The following ZNF106 variants were observed in gnomAD, a reference collection of about 807,000 sequenced individuals.
ZNF106 encodes SH3-domain binding protein 3.
Under a neutral mutation model 195.1 loss-of-function variants are expected in ZNF106, and 67 were observed. The ratio of observed to expected loss-of-function variants is 0.34; its 90% CI spans 0.28 to 0.42. The LOEUF is 0.42. ZNF106 is among the 10% of genes least tolerant of loss of function. ZNF106 has a pLI of 1.00. For missense variants in ZNF106, 2,118 were observed against 2,304.5 expected (o/e 0.92, Z 1.66); for synonymous variants, 784 against 818.6 (o/e 0.96, Z 0.72).
At chr15:42,465,985 T>C (rs891963488) in intron 3 of ZNF106, 68 bp downstream of exon 3, 2 of 1,300,346 alleles carry the variant, frequency 1.5e-6, no homozygotes, top group Admixed American at 2.4e-5. Context: ...CAAAACAAAC[T>C]GACAGGCACC....
At chr15:42,435,639 AGCACC>A in intron 13 of ZNF106, 121 bp from the exon 14 acceptor site, 1 of 1,198,344 alleles carries the variant, frequency 8.3e-7, no homozygotes, top group Non-Finnish European at 1.2e-6. Context: ...TGTCTAAAAC[AGCACC>A]TGGTACACAA....
chr15:42,425,122 G>A, intron 15 of ZNF106, 97 bp from the exon 16 acceptor site: 1 of 1,239,332 alleles, frequency 8.1e-7, no homozygotes. Context: ...TCTGTCACCT[G>A]TACTCAAATT....
Position 42,450,767 on chromosome 15 carries a change from T to A in ZNF106, c.1505A>T (p.Asn502Ile), listed in dbSNP as rs184490463. 12 of 1,614,020 alleles carry A rather than the reference T, an allele frequency of 7.4e-6. No individual in the cohort carries two copies. Among genetic ancestry groups the A allele is most frequent in the African/African-American group, 4.0e-5 (3 of 75,002 alleles). The stretch of plus-strand genomic sequence containing the variant: ...TGAGTGTTCTCCAGGGGAAAAAAAA[T>A]TTGTTTTGGTGTTTTTTGAGATATT... Reference protein sequence around the residue: ...PKNISKNTKTNFFSPGEHSNP... With the variant: ...PKNISKNTKTIFFSPGEHSNP... The change falls in exon 5 of 22, where the codon AAT becomes ATT. Residue 502 changes from asparagine (N) to isoleucine (I), a missense_variant. By Grantham distance (149) the Asn-to-Ile change is moderately radical. Transcript: ENST00000564754.
intron 1 of ZNF106, among the ~76,000 whole-genome samples, chr15:42,487,146 A>G (rs944450665): frequency 2.6e-5 from 4 of 151,970 alleles, no homozygotes; most frequent in Non-Finnish European, 4.4e-5. Flanking sequence ...GTGAAACTCC[A>G]TCTTTAAAAA....
rs926940852 is a variant in ZNF106 at position 42,442,434 on chromosome 15, T to C, written c.3422-20A>G. 1.9e-6 allele frequency: 3 copies of C among 1,563,900 alleles called. No individual in the cohort carries two copies. The highest frequency in any genetic ancestry group is 1.7e-6 in the Non-Finnish European group (2 of 1,153,054). ...ATGTTTCTAGAATGGGAAACATACA[T>C]ACATAGAAATGCAAAAATGTTATCT... On this transcript the variant is annotated intron_variant, in intron 9 of 21. Transcript: ENST00000564754.
chr15:42,472,464 G>T, intron 1 of ZNF106, 143 bp from the exon 2 acceptor site: 1 of 592,580 alleles, frequency 1.7e-6, no homozygotes, highest in African/African-American at 1.9e-5. Context: ...AGGTGCATAG[G>T]GTAAACATTT....
chr15:42,437,402 A>T, intron 12 of ZNF106, 25 bp from the exon 13 acceptor site: 18 of 1,612,320 alleles, frequency 1.1e-5, no homozygotes, highest in Non-Finnish European at 1.5e-5. Flanking sequence ...TAGGTTTCAG[A>T]GACATGTCTG....
chr15:42,455,697 CAT>C (rs2056203055), intron 4 of ZNF106, among the ~76,000 whole-genome samples: 1 of 152,164 alleles, frequency 6.6e-6, no homozygotes, highest in South Asian at 2.1e-4. Flanking sequence ...AAACTTTTAA[CAT>C]ATAGAGTAAA....
rs186753185 is a variant in ZNF106 at position 42,429,820 on chromosome 15, C to T, written c.4882-1686G>A. Among the ~76,000 whole-genome samples, 5 of 152,076 alleles carry T rather than the reference C, an allele frequency of 3.3e-5. No homozygotes were observed. In the East Asian group the frequency reaches 7.7e-4, roughly 23 times the overall value. ...CAATAAAAAAGGAACAAACTATTGG[C>T]ACATGTACCAATACAGATGAATTTT... On this transcript the variant is annotated intron_variant, in intron 14 of 21. Coordinates refer to ENST00000564754, the MANE Select transcript of ZNF106 (RefSeq NM_001366845.3).
intron 10 of ZNF106, among the ~76,000 whole-genome samples, chr15:42,440,996 AAAATAT>A (rs1412655374): frequency 4.9e-4 from 24 of 49,342 alleles, no homozygotes; most frequent in Admixed American, 6.4e-4. Flanking sequence ...AAAAAAAAAA[AAAATAT>A]ATATATATAT....
At chr15:42,424,130 C>A in intron 16 of ZNF106, 70 bp from the exon 17 acceptor site, 1 of 1,337,980 alleles carries the variant, frequency 7.5e-7, no homozygotes, top group Middle Eastern at 1.9e-4. Context: ...TTGTAATACA[C>A]ATTGGCAAAT....
chr15:42,449,385 T>G (rs1013647536), intron 5 of ZNF106, among the ~76,000 whole-genome samples: 1 of 152,166 alleles, frequency 6.6e-6, no homozygotes, highest in Non-Finnish European at 1.5e-5. Flanking sequence ...ATGAGAACAG[T>G]TGTATTTAAA....
rs748557462 is a variant in ZNF106, at chr15:42,449,911, T to G, written c.2361A>C (p.Arg787=). 1 of 1,614,176 alleles carries G rather than the reference T, an allele frequency of 6.2e-7. No homozygotes were observed. ...ARRIRNISGH[R]KSETEKESGL... Reference sequence around the variant, plus strand: ...CAGACTCCTTCTCTGTCTCACTCTTTCGGTGACCGCTAATATTGCGAATGC... The same window carrying G: ...CAGACTCCTTCTCTGTCTCACTCTTGCGGTGACCGCTAATATTGCGAATGC... The change falls in exon 5 of 22, where the codon CGA becomes CGC. Residue 787 remains arginine (R), a synonymous_variant. Coordinates refer to ENST00000564754, the MANE Select transcript of ZNF106 (RefSeq NM_001366845.3).
intron 1 of ZNF106, among the ~76,000 whole-genome samples, chr15:42,486,206 C>T (rs1357847395): frequency 6.6e-6 from 1 of 152,086 alleles, no homozygotes; most frequent in African/African-American, 2.4e-5. Flanking sequence ...GATCCGCCCA[C>T]CTCAGCCTCC....
intron 20 of ZNF106, among the ~76,000 whole-genome samples, chr15:42,419,063 CAA>C (rs367772491): frequency 1.7e-4 from 18 of 105,734 alleles, no homozygotes; most frequent in Admixed American, 1.9e-4. Context: ...CTTTCTCTAC[CAA>C]AAAAAAAAAA....
chr15:42,449,936 C>T lies in ZNF106; in HGVS notation c.2336G>A (p.Arg779His), dbSNP rs1437661129. 6.2e-7 allele frequency: 1 copy of T among 1,614,122 alleles called. No homozygotes were observed. The highest frequency in any genetic ancestry group is 2.2e-5 in the East Asian group (1 of 44,884). The change falls in exon 5 of 22, where the codon CGC becomes CAC. Residue 779 changes from arginine to histidine, a missense_variant. Arg to His is a conservative substitution (Grantham distance 29, BLOSUM62 0). Transcript: ENST00000564754. ...LPEPNLNSAR[R>H]IRNISGHRKS... ...TCGGTGACCGCTAATATTGCGAATG[C>T]GGCGGGCACTATTGAGGTTTGGCTC...
At chr15:42,489,036 C>T (rs1052445022) in intron 1 of ZNF106, among the ~76,000 whole-genome samples, 10 of 148,296 alleles carry the variant, frequency 6.7e-5, no homozygotes, top group Non-Finnish European at 1.5e-4. Flanking sequence ...TGGGATTGCG[C>T]CACTGCACTC....
chr15:42,465,458 G>C (rs2056494000), intron 3 of ZNF106, among the ~76,000 whole-genome samples: 1 of 151,238 alleles, frequency 6.6e-6, no homozygotes. Flanking sequence ...TTCTTTATTT[G>C]TAGAGACAAG....
intron 9 of ZNF106, among the ~76,000 whole-genome samples, chr15:42,442,960 T>G (rs2055613768): frequency 2.0e-5 from 3 of 152,006 alleles, no homozygotes. Context: ...ATTTTTGTAT[T>G]TTTAGTAGAG....
Sources: gnomAD v4.1 joint callset for allele counts (sites outside exome capture counted in the v4.1 genomes callset) on GRCh38, gnomAD v4.1.1 for gene constraint, MANE v1.5 for transcripts, NCBI Gene and HGNC (gene_info 2026-07-23, HGNC 2026-07-21) for gene names.